FSHR: variants seen among roughly 807,000 people sequenced by gnomAD.
FSHR encodes follicle-stimulating hormone receptor.
In FSHR, 46 loss-of-function variants were observed where a neutral mutation model predicts 52.1. The ratio of observed to expected loss-of-function variants is 0.88; its 90% confidence interval spans 0.70 to 1.13. The LOEUF is 1.13. Among genes scored for constraint, FSHR ranks in the 50% most tolerant of loss-of-function variants. The pLI, the probability that FSHR is intolerant of heterozygous loss-of-function variation, is 0.00. For missense variants in FSHR, 964 were observed against 834.6 expected, an observed-to-expected ratio of 1.16 and a Z score of -1.91; for synonymous variants, 399 against 309.6, an observed-to-expected ratio of 1.29 and a Z score of -3.03.
chr2:48,964,600 C>T (rs4953650), intron 9 of FSHR, among the ~76,000 whole-genome samples: 90,519 of 151,896 alleles, frequency 0.6, 27,818 homozygotes, highest in East Asian at 0.71. Flanking sequence ...TCAGCATGTG[C>T]TTGTCTGCAA....
intron 3 of FSHR, among the ~76,000 whole-genome samples, chr2:49,019,006 C>A (rs1440831294): frequency 6.6e-6 from 1 of 152,142 alleles, no homozygotes; most frequent in East Asian, 1.9e-4. Context: ...CTTAGATAAG[C>A]CTTACAACTT....
intron 4 of FSHR, among the ~76,000 whole-genome samples, chr2:49,006,875 T>G (rs1038480749): frequency 6.6e-6 from 1 of 152,178 alleles, no homozygotes; most frequent in African/African-American, 2.4e-5. Flanking sequence ...CTACTTTTAC[T>G]ACTTTATTTT....
At chr2:48,990,516 AAGACAGAT>A (rs1266043485) in intron 5 of FSHR, 42 bp downstream of exon 5, 23 of 1,205,230 alleles carry the variant, frequency 1.9e-5, no homozygotes, top group Non-Finnish European at 2.8e-5. Context: ...GCCGTTGGGC[AAGACAGAT>A]ACTGAGTAAA....
At chr2:49,121,329 T>C (rs147248113) in intron 1 of FSHR, among the ~76,000 whole-genome samples, 267 of 152,336 alleles carry the variant, frequency 1.8e-3, no homozygotes, top group African/African-American at 5.8e-3. Flanking sequence ...TACAAAATAA[T>C]AACCTCTATT....
At chr2:49,069,189 G>GTATTCTC (rs1329359552) in intron 1 of FSHR, among the ~76,000 whole-genome samples, 1 of 152,046 alleles carries the variant, frequency 6.6e-6, no homozygotes, top group Non-Finnish European at 1.5e-5. Context: ...CATAGACCCT[G>GTATTCTC]TATTCTCAGT....
At chr2:49,144,584 A>C (rs2103846186) in intron 1 of FSHR, among the ~76,000 whole-genome samples, 1 of 152,214 alleles carries the variant, frequency 6.6e-6, no homozygotes, top group East Asian at 1.9e-4. Flanking sequence ...TTGCTTTTCC[A>C]GTTTGTTTTC....
chr2:49,093,603 T>TC (rs1670701207), intron 1 of FSHR, among the ~76,000 whole-genome samples: 1 of 150,024 alleles, frequency 6.7e-6, no homozygotes, highest in African/African-American at 2.4e-5. Flanking sequence ...ATCTTTTTTT[T>TC]TTTTTTTTTG....
intron 3 of FSHR, 150 bp from the exon 4 acceptor site, chr2:49,017,713 A>G (rs576381015): frequency 1.9e-4 from 131 of 702,326 alleles, no homozygotes; most frequent in Non-Finnish European, 2.8e-4. Flanking sequence ...CATCATTTCA[A>G]TAAATATTGA....
intron 4 of FSHR, among the ~76,000 whole-genome samples, chr2:49,008,261 G>C (rs1476920949): frequency 2.3e-5 from 3 of 129,204 alleles, no homozygotes; most frequent in Non-Finnish European, 4.8e-5. Context: ...CCACCTATGA[G>C]TGAGAATATG....
At chr2:49,034,449 T>G (rs1344032260) in intron 2 of FSHR, among the ~76,000 whole-genome samples, 2 of 152,218 alleles carry the variant, frequency 1.3e-5, no homozygotes, top group African/African-American at 4.8e-5. Flanking sequence ...TATATGCAGG[T>G]GTCAATAGCT....
intron 1 of FSHR, among the ~76,000 whole-genome samples, chr2:49,131,206 C>T (rs1018911247): frequency 6.6e-6 from 1 of 152,050 alleles, no homozygotes; most frequent in Non-Finnish European, 1.5e-5. Context: ...TATTCATTTG[C>T]TATTTTCTTT....
At chr2:49,121,895 C>G (rs545078587) in intron 1 of FSHR, among the ~76,000 whole-genome samples, 33 of 152,180 alleles carry the variant, frequency 2.2e-4, no homozygotes, top group African/African-American at 7.9e-4. Flanking sequence ...AAACAAACAC[C>G]CTTTCTTTTG....
intron 4 of FSHR, among the ~76,000 whole-genome samples, chr2:49,013,950 G>T (rs1344244180): frequency 6.6e-6 from 1 of 152,064 alleles, no homozygotes. Context: ...TTCTCTCTGT[G>T]TATATGCACC....
chr2:49,013,401 C>G (rs1198307477), intron 4 of FSHR, among the ~76,000 whole-genome samples: 1 of 145,842 alleles, frequency 6.9e-6, no homozygotes, highest in East Asian at 2.0e-4. Flanking sequence ...TTTAGGTGAT[C>G]CCTCTTAGCA....
intron 2 of FSHR, among the ~76,000 whole-genome samples, chr2:49,067,698 T>C (rs1214846277): frequency 6.6e-6 from 1 of 152,118 alleles, no homozygotes; most frequent in Non-Finnish European, 1.5e-5. Context: ...ATGTTTGCAG[T>C]AACAAAAGAG....
chr2:49,132,237 A>T (rs1156335976), intron 1 of FSHR, among the ~76,000 whole-genome samples: 1 of 152,000 alleles, frequency 6.6e-6, no homozygotes, highest in Middle Eastern at 3.2e-3. Context: ...CTTTGATATA[A>T]CTTTTGGCTT....
chr2:49,096,910 T>C (rs1162539949), intron 1 of FSHR, among the ~76,000 whole-genome samples: 2 of 152,162 alleles, frequency 1.3e-5, no homozygotes, highest in Non-Finnish European at 2.9e-5. Context: ...CCATGTGATA[T>C]GCCTACTCCC....
chr2:48,996,561 G>C (rs981987143), intron 4 of FSHR, among the ~76,000 whole-genome samples: 30 of 152,022 alleles, frequency 2.0e-4, no homozygotes, highest in Admixed American at 1.8e-3. Flanking sequence ...TCTGAAGGAA[G>C]CTTATCTTAC....
intron 9 of FSHR, among the ~76,000 whole-genome samples, chr2:48,968,165 A>G (rs538921597): frequency 1.3e-5 from 2 of 152,308 alleles, no homozygotes; most frequent in East Asian, 3.9e-4. Context: ...CTTTCTTTGA[A>G]AGCCAAAGTA....
Sources: gnomAD v4.1 joint callset for allele counts (sites outside exome capture counted in the v4.1 genomes callset) on GRCh38, gnomAD v4.1.1 for gene constraint, MANE v1.5 for transcripts, NCBI Gene and HGNC (gene_info 2026-07-23, HGNC 2026-07-21) for gene names.